LINGO2: variants seen among roughly 807,000 people sequenced by gnomAD.
The protein encoded by LINGO2 is leucine rich repeat and Ig domain containing 2.
In LINGO2, 14 loss-of-function variants were observed where a neutral mutation model predicts 30.6. The ratio of observed to expected loss-of-function variants is 0.46; its 90% confidence interval spans 0.30 to 0.72. LINGO2 has a LOEUF of 0.72. Ranked by LOEUF, LINGO2 falls within the 30% of genes least tolerant of loss-of-function variation. The pLI is 0.07. For synonymous variants in LINGO2, 317 were observed against 288.5 expected (o/e 1.10, Z -1.00); for missense variants, 729 against 751.7 (o/e 0.97, Z 0.35).
At chr9:28,237,134 T>C (rs1036462862) in intron 4 of LINGO2, among the ~76,000 whole-genome samples, 1 of 147,224 alleles carries the variant, frequency 6.8e-6, no homozygotes, top group African/African-American at 2.5e-5. Context: ...GGGGTAAAGT[T>C]AAATGTAGGA....
chr9:28,774,223 A>G, the LINGO2 span, among the ~76,000 whole-genome samples: 19 of 152,212 alleles, frequency 1.2e-4, no homozygotes, highest in Admixed American at 3.3e-4. Flanking sequence ...TTCTTATAAT[A>G]GTTTTCTACA....
At chr9:29,184,578 T>C in the LINGO2 span, among the ~76,000 whole-genome samples, 2 of 152,266 alleles carry the variant, frequency 1.3e-5, no homozygotes, top group Admixed American at 6.5e-5. Context: ...ATTTAGGTAG[T>C]TGAATCAATT....
chr9:28,647,277 ATAACT>A (rs1827883756), intron 1 of LINGO2, among the ~76,000 whole-genome samples: 1 of 152,116 alleles, frequency 6.6e-6, no homozygotes, highest in Admixed American at 6.6e-5. Context: ...ACTTCCCATA[ATAACT>A]TATTATGACT....
At chr9:28,354,547 G>A (rs1433205796) in intron 3 of LINGO2, among the ~76,000 whole-genome samples, 1 of 152,070 alleles carries the variant, frequency 6.6e-6, no homozygotes, top group Non-Finnish European at 1.5e-5. Context: ...AGGAGTTAAG[G>A]TGAAATTTCA....
chr9:28,933,732 C>CA, the LINGO2 span, among the ~76,000 whole-genome samples: 4 of 152,088 alleles, frequency 2.6e-5, no homozygotes, highest in East Asian at 5.8e-4. Context: ...TGACCTTACA[C>CA]AAAAAAATAC....
chr9:28,526,575 C>A (rs1821048180), intron 1 of LINGO2, among the ~76,000 whole-genome samples: 1 of 152,166 alleles, frequency 6.6e-6, no homozygotes, highest in South Asian at 2.1e-4. Context: ...TCACAATAAT[C>A]AAAATTGACA....
At chr9:28,863,610 A>G in the LINGO2 span, 15 of 496,856 alleles carry the variant, frequency 3.0e-5, no homozygotes, top group Non-Finnish European at 6.2e-5. Context: ...GTGTAGATCA[A>G]CTGCAGAAGC....
At chr9:28,107,794 T>C (rs780660974) in intron 4 of LINGO2, among the ~76,000 whole-genome samples, 2 of 152,152 alleles carry the variant, frequency 1.3e-5, no homozygotes, top group African/African-American at 2.4e-5. Context: ...GGGGAGTCTG[T>C]GCATTTTTTG....
chr9:28,128,235 C>T (rs1161067766), intron 4 of LINGO2, among the ~76,000 whole-genome samples: 1 of 152,168 alleles, frequency 6.6e-6, no homozygotes, highest in African/African-American at 2.4e-5. Context: ...TTGTGAGCCA[C>T]AGAAAAAGTA....
intron 4 of LINGO2, among the ~76,000 whole-genome samples, chr9:28,251,251 C>T (rs1822188893): frequency 6.6e-6 from 1 of 152,022 alleles, no homozygotes; most frequent in Non-Finnish European, 1.5e-5. Flanking sequence ...TCCCAAGAAC[C>T]CAGAAGCTAT....
chr9:29,184,179 A>G, the LINGO2 span, among the ~76,000 whole-genome samples: 2 of 152,182 alleles, frequency 1.3e-5, no homozygotes, highest in African/African-American at 4.8e-5. Flanking sequence ...AAATTTGAAC[A>G]GGGCAAGCTC....
At chr9:28,472,877 TG>T (rs1825582896) in intron 2 of LINGO2, among the ~76,000 whole-genome samples, 1 of 152,196 alleles carries the variant, frequency 6.6e-6, no homozygotes, top group African/African-American at 2.4e-5. Context: ...GTAACATTTT[TG>T]TTTCTTTTCA....
At chr9:28,992,552 A>G in the LINGO2 span, among the ~76,000 whole-genome samples, 1 of 152,166 alleles carries the variant, frequency 6.6e-6, no homozygotes, top group African/African-American at 2.4e-5. Flanking sequence ...CCAAATCAAC[A>G]GAATATATAT....
intron 4 of LINGO2, among the ~76,000 whole-genome samples, chr9:28,189,755 C>T (rs1375422106): frequency 6.6e-6 from 1 of 151,604 alleles, no homozygotes; most frequent in Non-Finnish European, 1.5e-5. Flanking sequence ...AAGTTCACTG[C>T]TTTACTAGTG....
chr9:28,650,301 T>A (rs1238449907), intron 1 of LINGO2, among the ~76,000 whole-genome samples: 1 of 152,050 alleles, frequency 6.6e-6, no homozygotes, highest in African/African-American at 2.4e-5. Context: ...GAAAGCAGAT[T>A]GAGTTGCTTG....
chr9:28,322,717 C>T (rs936549546), intron 3 of LINGO2, among the ~76,000 whole-genome samples: 3 of 152,018 alleles, frequency 2.0e-5, no homozygotes. Flanking sequence ...CGTAAAGATG[C>T]TTTTCTAATT....
intron 1 of LINGO2, among the ~76,000 whole-genome samples, chr9:28,574,594 T>G (rs1333327444): frequency 6.6e-6 from 1 of 152,178 alleles, no homozygotes; most frequent in African/African-American, 2.4e-5. Context: ...TCCGGGAGAT[T>G]ACTATGAAGA....
intron 4 of LINGO2, among the ~76,000 whole-genome samples, chr9:28,158,877 A>C (rs1459317010): frequency 6.6e-6 from 1 of 152,182 alleles, no homozygotes; most frequent in Non-Finnish European, 1.5e-5. Context: ...TCAAATTTTT[A>C]CTTCCATTGT....
chr9:28,692,842 A>C, the LINGO2 span, among the ~76,000 whole-genome samples: 6 of 152,182 alleles, frequency 3.9e-5, no homozygotes, highest in African/African-American at 1.4e-4. Flanking sequence ...TGTCAATATC[A>C]CATATTCAGA....
Sources: gnomAD v4.1 joint callset for allele counts (sites outside exome capture counted in the v4.1 genomes callset) on GRCh38, gnomAD v4.1.1 for gene constraint, MANE v1.5 for transcripts, NCBI Gene and HGNC (gene_info 2026-07-23, HGNC 2026-07-21) for gene names.